The following PTPRE variants were observed in gnomAD, a reference collection of about 807,000 sequenced individuals.
PTPRE encodes the protein receptor-type tyrosine-protein phosphatase epsilon.
In PTPRE, 51 loss-of-function variants were observed where a neutral mutation model predicts 102.0. That is an observed-to-expected ratio of 0.50 (90% CI 0.40 to 0.63). The LOEUF is 0.63. Ranked by LOEUF, PTPRE falls within the 30% of genes least tolerant of loss-of-function variation. PTPRE has a pLI of 0.00. For synonymous variants in PTPRE, 345 were observed against 348.2 expected (o/e 0.99, Z 0.10); for missense variants, 752 against 915.1 (o/e 0.82, Z 2.30).
intron 1 of PTPRE, among the ~76,000 whole-genome samples, chr10:127,971,681 C>T (rs1470335086): frequency 6.6e-6 from 1 of 152,210 alleles, no homozygotes; most frequent in African/African-American, 2.4e-5. Flanking sequence ...CTCCAGCGTG[C>T]GCGATTTGCA....
At chr10:127,982,378 G>A (rs1851703955) in intron 2 of PTPRE, 82 bp downstream of exon 2, 1 of 953,510 alleles carries the variant, frequency 1.0e-6, no homozygotes, top group Non-Finnish European at 1.4e-6. Flanking sequence ...ATTATTAGAA[G>A]AGCATTGTTT....
At chr10:128,073,204 G>A in intron 16 of PTPRE, 133 bp from the exon 17 acceptor site, 1 of 1,238,244 alleles carries the variant, frequency 8.1e-7, no homozygotes, top group Admixed American at 2.6e-5. Flanking sequence ...CGTGCCAACT[G>A]GGGTCTGGTG....
At position 128,008,920 on chromosome 10, in the gene PTPRE, G is replaced by T. The variant is rs1384924798; in HGVS notation, c.-8+26624G>T. Among the ~76,000 whole-genome samples, 1 of 152,202 alleles carries T rather than the reference G, an allele frequency of 6.6e-6. No homozygotes were observed. The highest frequency in any genetic ancestry group is 1.5e-5 in the Non-Finnish European group (1 of 68,038). ...TGCTAAGTCCCAGAAGTGACAGAGA[G>T]ACAGAGAGAGGAGTCTCTGGTCTGG... On this transcript the variant is annotated intron_variant, in intron 2 of 20. Coordinates refer to ENST00000254667, the MANE Select transcript of PTPRE (RefSeq NM_006504.6). The surrounding 1 kb of genome is among the most constrained non-coding windows in gnomAD (Gnocchi z 4.0).
chr10:127,973,334 TTAAA>T (rs1228185063), intron 1 of PTPRE, among the ~76,000 whole-genome samples: 1 of 152,308 alleles, frequency 6.6e-6, no homozygotes, highest in Middle Eastern at 3.4e-3. Flanking sequence ...GAGCTCTATT[TTAAA>T]TAGAGACATG....
rs1851856105 is a variant in PTPRE, at chr10:128,083,021, T to C, written c.*115T>C. 1 of 1,123,348 alleles carries C rather than the reference T, an allele frequency of 8.9e-7. No homozygotes were observed. Among genetic ancestry groups the C allele is most frequent in the Non-Finnish European group, 1.2e-6 (1 of 846,374 alleles). The allele number at this position is 1,123,348 out of a possible 1,614,324, so 69.6% of individuals were successfully genotyped here. On this transcript the variant is annotated 3_prime_UTR_variant, in exon 21 of 21. Transcript: ENST00000254667. Reference sequence around the variant, plus strand: ...TTCCCTAATTTCTTTGTATATATTTTGTTATGCCTTAAAGGCCACCTGCTA... The same window carrying C: ...TTCCCTAATTTCTTTGTATATATTTCGTTATGCCTTAAAGGCCACCTGCTA...
chr10:128,047,350 A>G, intron 3 of PTPRE, 40 bp from the exon 4 acceptor site: 1 of 1,600,818 alleles, frequency 6.2e-7, no homozygotes, highest in Middle Eastern at 1.7e-4. Flanking sequence ...CAAACTGTGA[A>G]GTGAGGTCAG....
chr10:127,998,758 G>A (rs1033325114), intron 2 of PTPRE: 1 of 152,108 alleles, frequency 6.6e-6, no homozygotes, highest in African/African-American at 2.4e-5. Flanking sequence ...TAACGACCGC[G>A]CCACTGGGAA....
chr10:128,058,139 T>C (rs778681829), intron 7 of PTPRE, among the ~76,000 whole-genome samples: 5 of 152,210 alleles, frequency 3.3e-5, no homozygotes, highest in Admixed American at 1.3e-4. Flanking sequence ...ACTATTTAGC[T>C]GGGACCTCTG....
At chr10:127,999,308 C>G (rs1239297035) in intron 2 of PTPRE, 1 of 154,618 alleles carries the variant, frequency 6.5e-6, no homozygotes, top group African/African-American at 2.4e-5. Flanking sequence ...TTTGTGTTTT[C>G]TTCACTTCAT....
intron 16 of PTPRE, 25 bp downstream of exon 16, chr10:128,072,239 T>A (rs756569715): frequency 1.3e-6 from 2 of 1,587,604 alleles, no homozygotes; most frequent in Non-Finnish European, 1.7e-6. Context: ...CTGGGTTGTG[T>A]TTATGCAGAT....
At chr10:127,962,306 C>A (rs565942037) in intron 1 of PTPRE, among the ~76,000 whole-genome samples, 1 of 152,160 alleles carries the variant, frequency 6.6e-6, no homozygotes, top group Non-Finnish European at 1.5e-5. Context: ...CATGTGAGTG[C>A]GGCACATGCC....
rs763026004 is a variant in PTPRE at position 128,069,824 on chromosome 10, G to A, written c.1140G>A (p.Thr380=). The change falls in exon 13 of 21, where the codon ACG becomes ACA. Residue 380 remains threonine, a synonymous_variant. Transcript: ENST00000254667. ...IRNQRPQMVQ[T]DMQYTFIYQA... ...ATCAGCGCCCTCAGATGGTTCAAACGGATGTGAGTCATGCCTTCCTCTTGC... is the reference window on the plus strand; with the variant it reads ...ATCAGCGCCCTCAGATGGTTCAAACAGATGTGAGTCATGCCTTCCTCTTGC... 1.4e-5 allele frequency: 23 copies of A among 1,614,106 alleles called. No homozygotes were observed. Among genetic ancestry groups the A allele is most frequent in the African/African-American group, 8.0e-5 (6 of 74,934 alleles).
intron 1 of PTPRE, among the ~76,000 whole-genome samples, chr10:127,960,265 G>A (rs764005347): frequency 1.3e-5 from 2 of 152,206 alleles, no homozygotes; most frequent in Non-Finnish European, 2.9e-5. Flanking sequence ...CCTGCTGCCT[G>A]TGCTGTGCTT....
At chr10:128,066,919 C>A (rs1000750611) in intron 11 of PTPRE, among the ~76,000 whole-genome samples, 2 of 151,538 alleles carry the variant, frequency 1.3e-5, no homozygotes, top group Non-Finnish European at 2.9e-5. Flanking sequence ...TACTCCCACA[C>A]ACAGGCACAC....
chr10:128,008,204 C>T lies in PTPRE; in HGVS notation c.-8+25908C>T, dbSNP rs188740888. ...CATCCACCATCTCTGTCTGCAGCCC[C>T]GCTGGCTCGTCCGCCCTCGCCTCCC... On this transcript the variant is annotated intron_variant, in intron 2 of 20. Transcript: ENST00000254667. This position sits in a 1 kb window ranked among gnomAD's most constrained non-coding sequence, Gnocchi z 4.0. Among the ~76,000 whole-genome samples, 1,726 of 152,196 alleles carry T rather than the reference C, an allele frequency of 0.011. 34 individuals carry two copies. The highest frequency in any genetic ancestry group is 0.039 in the African/African-American group (1,632 of 41,522).
At chr10:128,043,354 A>G (rs549515135) in intron 3 of PTPRE, among the ~76,000 whole-genome samples, 13 of 152,350 alleles carry the variant, frequency 8.5e-5, no homozygotes, top group African/African-American at 2.6e-4. Context: ...CTTAAGGAGC[A>G]CGCAACCTAG....
At chr10:127,999,514 G>A (rs1335430158) in intron 2 of PTPRE, 7 of 985,286 alleles carry the variant, frequency 7.1e-6, no homozygotes, top group South Asian at 4.7e-5. Context: ...GTTCCTCTCC[G>A]AGCTCAGTGC....
In PTPRE at chr10:128,079,618, A is replaced by G. The variant is rs750438923; in HGVS notation, c.1951A>G (p.Lys651Glu). 6.2e-7 allele frequency: 1 copy of G among 1,614,184 alleles called. No homozygotes were observed. The highest frequency in any genetic ancestry group is 8.5e-7 in the Non-Finnish European group (1 of 1,180,020). The part of the protein sequence containing the change: ...IALSNILERV[K>E]AEGLLDVFQA... ...CCTCAGCAACATTTTGGAGCGAGTAAAAGCCGAGGGACTTTTAGATGTATT... is the reference window on the plus strand; with the variant it reads ...CCTCAGCAACATTTTGGAGCGAGTAGAAGCCGAGGGACTTTTAGATGTATT... Residue 651 changes from lysine to glutamate, a missense_variant, in exon 20 of 21, where the codon AAA becomes GAA. This residue lies in a region of PTPRE where 636 missense variants were observed against 824.4 expected (regional missense o/e 0.77). Transcript: ENST00000254667.
At chr10:127,949,433 T>A (rs1164840939) in intron 1 of PTPRE, among the ~76,000 whole-genome samples, 1 of 152,186 alleles carries the variant, frequency 6.6e-6, no homozygotes, top group Non-Finnish European at 1.5e-5. Context: ...GAACTAAAAA[T>A]GCTGGAGACT....
Sources: allele counts gnomAD v4.1 joint callset (sites outside exome capture counted in the v4.1 genomes callset), GRCh38; gene constraint gnomAD v4.1.1; regional missense constraint gnomAD v4.1.1; non-coding constraint Gnocchi (gnomAD v3.1); transcripts MANE v1.5; gene names NCBI Gene and HGNC (gene_info 2026-07-23, HGNC 2026-07-21).